Variants in AGPAT2 observed in about 807,000 individuals in gnomAD.
The protein encoded by AGPAT2 is 1-acylglycerol-3-phosphate O-acyltransferase 2, also known as 1-acyl-sn-glycerol-3-phosphate acyltransferase beta.
In AGPAT2, 18 loss-of-function variants were observed where a neutral mutation model predicts 26.1. That is an observed-to-expected ratio of 0.69 (90% confidence interval 0.48 to 1.02). AGPAT2 has a LOEUF of 1.02. Among genes scored for constraint, AGPAT2 ranks in the 50% least tolerant of loss-of-function variants. The pLI, the probability that AGPAT2 is intolerant of heterozygous loss-of-function variation, is 0.00. For missense variants in AGPAT2, 415 were observed against 394.9 expected (o/e 1.05, Z -0.43); for synonymous variants, 200 against 174.2 (o/e 1.15, Z -1.16).
At chr9:136,676,866 TG>T in intron 3 of AGPAT2, 94 bp downstream of exon 3, 1 of 1,480,828 alleles carries the variant, frequency 6.8e-7, no homozygotes. Context: ...GTGGGGGTCT[TG>T]TTTTTTCTGC....
intron 1 of AGPAT2, among the ~76,000 whole-genome samples, chr9:136,683,761 G>A (rs1426518731): frequency 6.6e-6 from 1 of 152,210 alleles, no homozygotes; most frequent in Non-Finnish European, 1.5e-5. Context: ...CCTGCACAGA[G>A]ACACCTGGAG....
chr9:136,687,392 G>A lies in AGPAT2; in HGVS notation c.-35C>T. On this transcript the variant is annotated 5_prime_UTR_variant, in exon 1 of 6. Coordinates refer to ENST00000371696, the MANE Select transcript of AGPAT2 (RefSeq NM_006412.4). ...CGGCGCCCGACGGCGCCGCCAGCTCGCTCCCGCTCCCGCTCCCGCTTCTCC... is the reference window on the plus strand; with the variant it reads ...CGGCGCCCGACGGCGCCGCCAGCTCACTCCCGCTCCCGCTCCCGCTTCTCC... 1 of 1,383,726 alleles carries A rather than the reference G, an allele frequency of 7.2e-7. No individual in the cohort carries two copies. Among genetic ancestry groups the A allele is most frequent in the Non-Finnish European group, 9.3e-7 (1 of 1,070,896 alleles). The allele number at this position is 1,383,726 out of a possible 1,614,324, so 85.7% of individuals were successfully genotyped here. A position where few individuals can be genotyped will look rare whatever the true frequency, so the allele number is the denominator to read the frequency against.
intron 1 of AGPAT2, among the ~76,000 whole-genome samples, chr9:136,681,398 G>T (rs534533432): frequency 1.1e-4 from 17 of 152,316 alleles, no homozygotes; most frequent in African/African-American, 4.1e-4. Context: ...TCCTCAAGGG[G>T]ACAAAGGGCC....
chr9:136,674,138 C>T (rs551377395), intron 5 of AGPAT2, among the ~76,000 whole-genome samples: 16 of 152,126 alleles, frequency 1.1e-4, no homozygotes, highest in African/African-American at 3.6e-4. Flanking sequence ...GCCTTCACGC[C>T]GCATTTTCGA....
intron 2 of AGPAT2, 40 bp downstream of exon 2, chr9:136,677,383 C>T: frequency 6.2e-7 from 1 of 1,612,740 alleles, no homozygotes; most frequent in Middle Eastern, 1.7e-4. Flanking sequence ...TCAGCCGGCC[C>T]CACTCAAACC....
chr9:136,677,746 C>T (rs573148458), intron 1 of AGPAT2, among the ~76,000 whole-genome samples, 190 bp from the exon 2 acceptor site: 11 of 152,314 alleles, frequency 7.2e-5, no homozygotes, highest in Non-Finnish European at 1.3e-4. Flanking sequence ...CCCACCTGGA[C>T]GGCTGCCCTG....
chr9:136,680,292 T>C (rs903694948), intron 1 of AGPAT2, among the ~76,000 whole-genome samples: 6 of 152,194 alleles, frequency 3.9e-5, no homozygotes, highest in Non-Finnish European at 1.5e-5. Context: ...AGTGGTGTGA[T>C]CTCAGCTCAC....
rs767679550 is a variant in AGPAT2, at chr9:136,677,519, A to G, written c.220T>C (p.Tyr74His). The change falls in exon 2 of 6, where the codon TAC (tyrosine) becomes CAC (histidine). Residue 74 changes from tyrosine (Y) to histidine (H), a missense_variant. By Grantham distance (83) the Tyr-to-His change is moderately conservative. Transcript: ENST00000371696. ...GWFVRSFKYF[Y>H]GLRFEVRDPR... is the part of the protein sequence containing the mutation. ...TCCCGCACCTCGAAGCGGAGCCCGT[A>G]AAAGTACTTGAAGCTTCGCACGAAC... 3 of 1,612,856 alleles carry G rather than the reference A, an allele frequency of 1.9e-6. No individual in the cohort carries two copies. Among genetic ancestry groups the G allele is most frequent in the South Asian group, 2.2e-5 (2 of 91,090 alleles).
intron 1 of AGPAT2, among the ~76,000 whole-genome samples, chr9:136,684,421 G>A (rs1041286654): frequency 5.3e-5 from 8 of 152,204 alleles, no homozygotes; most frequent in Admixed American, 1.3e-4. Flanking sequence ...CTGCCTGGAA[G>A]GGGTCCGTGG....
chr9:136,676,987 G>C lies in AGPAT2; in HGVS notation c.466C>G (p.Leu156Val), dbSNP rs1249417092. The part of the protein sequence containing the change: ...SSTAMTVMAD[L>V]GERMVRENLK... ...TTCTCCCTGACCATGCGCTCGCCCA[G>C]GTCGGCCATCACTGTCATGGCAGTG... The change falls in exon 3 of 6, where the codon CTG (leucine) becomes GTG (valine). Residue 156 changes from leucine (L) to valine (V), a missense_variant. Coordinates refer to ENST00000371696, the MANE Select transcript of AGPAT2 (RefSeq NM_006412.4). 7.1e-7 allele frequency: 1 copy of C among 1,415,798 alleles called. No individual in the cohort carries two copies. The highest frequency in any genetic ancestry group is 1.1e-5 in the South Asian group (1 of 88,600). 87.7% of individuals were successfully genotyped at this position (1,415,798 alleles called of 1,614,324 possible).
intron 4 of AGPAT2, 85 bp from the exon 5 acceptor site, chr9:136,674,892 C>T: frequency 9.9e-7 from 1 of 1,009,524 alleles, no homozygotes; most frequent in Non-Finnish European, 1.3e-6. Context: ...GGAGCCCTGT[C>T]CTGCGGCCCA....
rs117434864 is a variant in AGPAT2, at chr9:136,673,848, G to A, written c.741C>T (p.Thr247=). 1,541 of 1,606,242 alleles carry A rather than the reference G, an allele frequency of 9.6e-4. 56 individuals are homozygous for A. The East Asian group carries it at 0.034, about 36-fold the overall frequency. ...AGGTGGTCCTCATGGCCCGGTGGCA[G>A]GTGTCCACGAGCGCAGGGACGTCCG... is the stretch of plus-strand genomic sequence containing the variant. The part of the protein sequence containing the change: ...TAADVPALVD[T]CHRAMRTTFL... The change falls in exon 6 of 6, where the codon ACC becomes ACT. Residue 247 remains threonine, a synonymous_variant. Coordinates refer to ENST00000371696, the MANE Select transcript of AGPAT2 (RefSeq NM_006412.4).
At chr9:136,682,172 G>A (rs567203941) in intron 1 of AGPAT2, among the ~76,000 whole-genome samples, 15 of 152,238 alleles carry the variant, frequency 9.9e-5, no homozygotes, top group African/African-American at 1.4e-4. Context: ...GGGGCGGCGC[G>A]GGCCCCCAGT....
intron 1 of AGPAT2, among the ~76,000 whole-genome samples, chr9:136,684,492 C>T (rs1846197856): frequency 6.6e-6 from 1 of 152,224 alleles, no homozygotes. Context: ...CCATCACTGT[C>T]CCTCACACGC....
intron 4 of AGPAT2, 60 bp downstream of exon 4, chr9:136,676,525 G>GCCAGCCTGACCCCGCCTCC (rs1846091407): frequency 7.0e-7 from 1 of 1,429,362 alleles, no homozygotes; most frequent in Admixed American, 1.7e-5. Flanking sequence ...GCTGCCTTAA[G>GCCAGCCTGACCCCGCCTCC]CCAGCCTGAC....
chr9:136,686,477 C>A (rs1846222307), intron 1 of AGPAT2, among the ~76,000 whole-genome samples: 1 of 152,234 alleles, frequency 6.6e-6, no homozygotes, highest in Non-Finnish European at 1.5e-5. Flanking sequence ...CAAAACCAAG[C>A]TCCCACCTTC....
At chr9:136,684,522 G>C (rs568335650) in intron 1 of AGPAT2, among the ~76,000 whole-genome samples, 1 of 150,720 alleles carries the variant, frequency 6.6e-6, no homozygotes. Flanking sequence ...CGGTGTAGAC[G>C]GTGGGGGTCT....
intron 1 of AGPAT2, among the ~76,000 whole-genome samples, chr9:136,679,745 G>T (rs1846137293): frequency 1.3e-5 from 2 of 152,236 alleles, no homozygotes; most frequent in Admixed American, 1.3e-4. Context: ...CCCTGGCACA[G>T]ATTAAAACGC....
rs577083425 is a variant in AGPAT2 at position 136,684,521 on chromosome 9, C to T, written c.182+2655G>A. Among the ~76,000 whole-genome samples, 54 of 149,996 alleles carry T rather than the reference C, an allele frequency of 3.6e-4. 1 individual carries two copies. The South Asian group carries it at 8.8e-3, about 24-fold the overall frequency. ...CACACGCTCAGAACTACGGTGTAGA[C>T]GGTGGGGGTCTCTTGGGTGCCGCCT... On this transcript the variant is annotated intron_variant, in intron 1 of 5. Transcript: ENST00000371696.
Sources: gnomAD v4.1 joint callset for allele counts (sites outside exome capture counted in the v4.1 genomes callset) on GRCh38, gnomAD v4.1.1 for gene constraint, MANE v1.5 for transcripts, NCBI Gene and HGNC (gene_info 2026-07-23, HGNC 2026-07-21) for gene names.